CCDC25: variants seen among roughly 807,000 people sequenced by gnomAD.
CCDC25 encodes coiled-coil domain containing 25.
A neutral mutation model predicts 35.3 loss-of-function variants in CCDC25; 16 were observed. The ratio of observed to expected loss-of-function variants is 0.45; its 90% CI spans 0.31 to 0.69. CCDC25 has a LOEUF of 0.69. Among genes scored for constraint, CCDC25 ranks in the 30% least tolerant of loss-of-function variants. The probability of loss-of-function intolerance (pLI) is 0.06; values close to 1 mark genes in which losing one functional copy is unlikely to be tolerated. For missense variants in CCDC25, 179 were observed against 250.7 expected (o/e 0.71, Z 1.93); for synonymous variants, 79 against 80.3 (o/e 0.98, Z 0.09).
chr8:27,758,778 A>T (rs544843016), intron 3 of CCDC25, among the ~76,000 whole-genome samples: 1 of 152,334 alleles, frequency 6.6e-6, no homozygotes, highest in South Asian at 2.1e-4. Context: ...AAGGTCTCTG[A>T]TGTAGAATTT....
At chr8:27,746,072 A>G (rs1478479944) in intron 7 of CCDC25, among the ~76,000 whole-genome samples, 1 of 152,264 alleles carries the variant, frequency 6.6e-6, no homozygotes, top group Non-Finnish European at 1.5e-5. Context: ...TTTGAAACTC[A>G]TAAAAATCAT....
intron 3 of CCDC25, among the ~76,000 whole-genome samples, chr8:27,759,068 A>G (rs56228913): frequency 0.37 from 56,801 of 152,018 alleles, 11,614 homozygotes; most frequent in Middle Eastern, 0.46. Flanking sequence ...CTTTCTAAAC[A>G]TTTATTCAAA....
intron 3 of CCDC25, among the ~76,000 whole-genome samples, chr8:27,761,344 TAGCAGACAG>T (rs1316495034): frequency 6.6e-6 from 1 of 152,172 alleles, no homozygotes; most frequent in Non-Finnish European, 1.5e-5. Flanking sequence ...CCAGAGCCAG[TAGCAGACAG>T]AGCAGACCCA....
At chr8:27,766,575 G>A (rs1023777160) in intron 1 of CCDC25, among the ~76,000 whole-genome samples, 3 of 152,064 alleles carry the variant, frequency 2.0e-5, no homozygotes, top group East Asian at 1.9e-4. Context: ...TTAGTGTAGC[G>A]TGTAACAAAT....
intron 1 of CCDC25, among the ~76,000 whole-genome samples, chr8:27,770,048 G>C (rs936781815): frequency 1.3e-5 from 2 of 152,178 alleles, no homozygotes; most frequent in African/African-American, 4.8e-5. Context: ...GGAGACTGAG[G>C]CAGTAGAATT....
At chr8:27,772,113 C>G in intron 1 of CCDC25, 1 of 223,558 alleles carries the variant, frequency 4.5e-6, no homozygotes, top group Non-Finnish European at 8.9e-6. Context: ...CAGGTGTCTC[C>G]TTTCTCACAG....
chr8:27,754,343 A>G (rs975574751), intron 4 of CCDC25, among the ~76,000 whole-genome samples: 2 of 152,236 alleles, frequency 1.3e-5, no homozygotes, highest in Non-Finnish European at 2.9e-5. Flanking sequence ...ATAAAATGTC[A>G]TGTTAAAAGG....
chr8:27,765,084 T>C (rs1255970495), intron 2 of CCDC25, 120 bp downstream of exon 2: 1 of 859,530 alleles, frequency 1.2e-6, no homozygotes, highest in African/African-American at 1.8e-5. Context: ...CAAAAGCTAG[T>C]TTATCAAAGT....
At chr8:27,754,880 A>T (rs1045669065) in intron 4 of CCDC25, among the ~76,000 whole-genome samples, 4 of 152,258 alleles carry the variant, frequency 2.6e-5, no homozygotes, top group Admixed American at 2.0e-4. Flanking sequence ...ATATAAATAC[A>T]GATGGAAAGA....
chr8:27,741,703 A>C (rs1226753905), intron 7 of CCDC25, among the ~76,000 whole-genome samples: 2 of 152,190 alleles, frequency 1.3e-5, no homozygotes, highest in Non-Finnish European at 2.9e-5. Flanking sequence ...CAAATACACC[A>C]AGAGACAAAG....
intron 1 of CCDC25, among the ~76,000 whole-genome samples, chr8:27,766,927 T>C (rs1285804511): frequency 6.7e-6 from 1 of 149,130 alleles, no homozygotes; most frequent in Non-Finnish European, 1.5e-5. Flanking sequence ...TATGTGTGTG[T>C]ATATACATAC....
chr8:27,760,391 G>A (rs960439459), intron 3 of CCDC25, among the ~76,000 whole-genome samples: 7 of 152,124 alleles, frequency 4.6e-5, no homozygotes, highest in African/African-American at 1.7e-4. Flanking sequence ...TGCCTAACAG[G>A]TGCAGCCATT....
At chr8:27,769,411 T>C (rs916933160) in intron 1 of CCDC25, among the ~76,000 whole-genome samples, 6 of 152,234 alleles carry the variant, frequency 3.9e-5, no homozygotes, top group Admixed American at 1.3e-4. Flanking sequence ...TTAAGGGGAA[T>C]AGAACAGCAC....
intron 5 of CCDC25, among the ~76,000 whole-genome samples, chr8:27,750,551 C>T (rs563885099): frequency 6.6e-6 from 1 of 152,074 alleles, no homozygotes; most frequent in African/African-American, 2.4e-5. Context: ...CAAAGACAAA[C>T]CTGAGGGCAG....
intron 7 of CCDC25, among the ~76,000 whole-genome samples, chr8:27,746,553 C>T (rs1007062936): frequency 3.9e-5 from 6 of 152,100 alleles, no homozygotes; most frequent in South Asian, 2.1e-4. Flanking sequence ...TTTTCAGTTT[C>T]CCCCCACTCC....
At chr8:27,762,378 A>G in intron 3 of CCDC25, 41 bp downstream of exon 3, 1 of 1,579,806 alleles carries the variant, frequency 6.3e-7, no homozygotes, top group Non-Finnish European at 8.7e-7. Flanking sequence ...TAAGAAAGGA[A>G]ATGATGATCT....
chr8:27,751,084 T>C (rs1235063329), intron 5 of CCDC25, among the ~76,000 whole-genome samples: 14 of 152,222 alleles, frequency 9.2e-5, no homozygotes. Context: ...AGTAATTCAG[T>C]GTCATGACTC....
At chr8:27,757,312 C>T (rs1051928485) in intron 3 of CCDC25, among the ~76,000 whole-genome samples, 63 of 152,090 alleles carry the variant, frequency 4.1e-4, no homozygotes, top group Non-Finnish European at 6.6e-4. Flanking sequence ...AAGAGAATGT[C>T]GAATAGAGAG....
chr8:27,741,334 A>T (rs1803430329), intron 7 of CCDC25, among the ~76,000 whole-genome samples: 1 of 152,226 alleles, frequency 6.6e-6, no homozygotes, highest in Admixed American at 6.5e-5. Context: ...CACAGAACTT[A>T]CTGGGAGGGG....
Sources: gnomAD v4.1 joint callset for allele counts (sites outside exome capture counted in the v4.1 genomes callset) on GRCh38, gnomAD v4.1.1 for gene constraint, MANE v1.5 for transcripts, NCBI Gene and HGNC (gene_info 2026-07-23, HGNC 2026-07-21) for gene names.